Variants in SIN3A observed in about 807,000 individuals in gnomAD.
The protein encoded by SIN3A is SIN3 transcription regulator family member A.
SIN3A carries 14 observed loss-of-function variants against 146.1 expected under a neutral mutation model. The ratio of observed to expected loss-of-function variants is 0.10; its 90% confidence interval spans 0.06 to 0.15. The LOEUF (loss-of-function observed/expected upper bound fraction) is 0.15, where lower values mean the gene tolerates loss of function less well. Among genes scored for constraint, SIN3A ranks in the 10% least tolerant of loss-of-function variants. The pLI is 1.00. For missense variants in SIN3A, 1,028 were observed against 1,576.0 expected (o/e 0.65, Z 5.89); for synonymous variants, 572 against 572.0 (o/e 1.00, Z 0.00).
rs2073303847 is a variant in SIN3A at position 75,396,383 on chromosome 15, G to A, written c.1968C>T (p.Thr656=). 1 of 1,614,020 alleles carries A rather than the reference G, an allele frequency of 6.2e-7. No individual in the cohort carries two copies. Among genetic ancestry groups the A allele is most frequent in the African/African-American group, 1.3e-5 (1 of 74,914 alleles). Residue 656 remains threonine (T), a synonymous_variant, in exon 13 of 21, where the codon ACC becomes ACT. Transcript: ENST00000394947. The part of the protein sequence containing the change: ...EEQAKFRLDN[T]LGGTSEVIHR... ...GGATGACTTCTGATGTGCCCCCAAGGGTGTTGTCCAAGCGAAATTTGGCTT... is the reference window on the plus strand; with the variant it reads ...GGATGACTTCTGATGTGCCCCCAAGAGTGTTGTCCAAGCGAAATTTGGCTT...
At chr15:75,454,260 G>A (rs1322927495), upstream of SIN3A, among the ~76,000 whole-genome samples, 1 of 152,152 alleles carries the variant, frequency 6.6e-6, no homozygotes, top group Non-Finnish European at 1.5e-5. Context: ...GAGAAAAAAA[G>A]GGAGTCTCGC....
chr15:75,386,308 G>A (rs1431876138), intron 16 of SIN3A, among the ~76,000 whole-genome samples: 1 of 152,106 alleles, frequency 6.6e-6, no homozygotes, highest in Non-Finnish European at 1.5e-5. Context: ...GATTACAGGC[G>A]TGAGCCACCG....
intron 16 of SIN3A, among the ~76,000 whole-genome samples, chr15:75,389,395 T>C (rs144967455): frequency 6.6e-6 from 1 of 152,056 alleles, no homozygotes; most frequent in East Asian, 1.9e-4. Context: ...GATAGACAAG[T>C]TGTGCAGGAA....
At chr15:75,372,820 C>CAA (rs370930119) in intron 20 of SIN3A, among the ~76,000 whole-genome samples, 2,320 of 79,204 alleles carry the variant, frequency 0.029, 53 homozygotes, top group Non-Finnish European at 0.04. Flanking sequence ...ACCCTGTCTC[C>CAA]AAAAAAAAAA....
chr15:75,377,393 G>A (rs1401268227), intron 19 of SIN3A, among the ~76,000 whole-genome samples: 1 of 152,146 alleles, frequency 6.6e-6, no homozygotes, highest in Non-Finnish European at 1.5e-5. Flanking sequence ...GGGAGGCTGA[G>A]GCAGGCAGAT....
chr15:75,443,522 C>G (rs897904444), intron 1 of SIN3A: 1 of 152,056 alleles, frequency 6.6e-6, no homozygotes, highest in East Asian at 1.9e-4. Flanking sequence ...TCGAGACTAG[C>G]CTAGACAACA....
chr15:75,390,316 GTGCAAA>G (rs1176734413), intron 15 of SIN3A, among the ~76,000 whole-genome samples: 3 of 152,194 alleles, frequency 2.0e-5, no homozygotes, highest in Non-Finnish European at 2.9e-5. Context: ...AAAAATAGGA[GTGCAAA>G]TTAAATCCTT....
chr15:75,394,666 A>C lies in SIN3A; in HGVS notation c.2277+14T>G. ...ACTAGAGTCCTCTCACAGATGCAGA[A>C]ACCCCCCGCTCACCTCATCATAGAT... is the stretch of plus-strand genomic sequence containing the variant. On this transcript the variant is annotated intron_variant, in intron 14 of 20. Coordinates refer to ENST00000394947, the MANE Select transcript of SIN3A (RefSeq NM_001145358.2). 1 of 1,589,964 alleles carries C rather than the reference A, an allele frequency of 6.3e-7. No homozygotes were observed. The highest frequency in any genetic ancestry group is 8.6e-7 in the Non-Finnish European group (1 of 1,169,500).
chr15:75,389,441 A>C (rs1001912843), intron 16 of SIN3A, among the ~76,000 whole-genome samples: 2 of 152,228 alleles, frequency 1.3e-5, no homozygotes, highest in East Asian at 3.8e-4. Context: ...ACAGGTGGCC[A>C]GCAAGAAAGG....
intron 1 of SIN3A, among the ~76,000 whole-genome samples, chr15:75,431,303 T>A (rs902538543): frequency 6.6e-6 from 1 of 152,190 alleles, no homozygotes; most frequent in Non-Finnish European, 1.5e-5. Context: ...TTGGAACAGA[T>A]CACTCCTAAA....
In SIN3A at chr15:75,375,677, G is replaced by T. The variant is rs777090934; in HGVS notation, c.3579C>A (p.Leu1193=). The part of the protein sequence containing the change: ...EDYMYRRTAL[L]RAHQSHERVS... Reference sequence around the variant, plus strand: ...TACTGGTTCTCACCTGATGAGCCCGGAGCAGGGCGGTCCTCCGATACATAT... The same window carrying T: ...TACTGGTTCTCACCTGATGAGCCCGTAGCAGGGCGGTCCTCCGATACATAT... The change falls in exon 20 of 21, where the codon CTC becomes CTA. Residue 1193 remains leucine, a synonymous_variant. Coordinates refer to ENST00000394947, the MANE Select transcript of SIN3A (RefSeq NM_001145358.2). 1 of 1,614,034 alleles carries T rather than the reference G, an allele frequency of 6.2e-7. No individual in the cohort carries two copies. Among genetic ancestry groups the T allele is most frequent in the South Asian group, 1.1e-5 (1 of 91,076 alleles).
At chr15:75,447,632 T>C (rs878865316) in intron 1 of SIN3A, 1 of 152,202 alleles carries the variant, frequency 6.6e-6, no homozygotes, top group Admixed American at 6.5e-5. Context: ...ACCCCAAAAC[T>C]AGTTGTGGAA....
At chr15:75,450,074 C>T (rs1158462724) in intron 1 of SIN3A, among the ~76,000 whole-genome samples, 2 of 152,112 alleles carry the variant, frequency 1.3e-5, no homozygotes, top group African/African-American at 4.8e-5. Flanking sequence ...GCCACCGCGC[C>T]CGTCCAGGAA....
intron 3 of SIN3A, among the ~76,000 whole-genome samples, chr15:75,417,210 CAG>C (rs2073755511): frequency 6.6e-6 from 1 of 152,228 alleles, no homozygotes; most frequent in South Asian, 2.1e-4. Context: ...TGATTTAGGA[CAG>C]AGACACCCAA....
In SIN3A at chr15:75,443,867, T is replaced by A. The variant is rs555002785; in HGVS notation, c.-34+7556A>T. Among the ~76,000 whole-genome samples, 2 of 152,334 alleles carry A rather than the reference T, an allele frequency of 1.3e-5. 1 individual carries two copies. Among genetic ancestry groups the A allele is most frequent in the East Asian group, 3.9e-4 (2 of 5,184 alleles). ...TTGAGGCTGCAGAGAGCTATGATCA[T>A]ACCACTGCCCTTCGGCCTGGGCAAC... is the stretch of plus-strand genomic sequence containing the variant. On this transcript the variant is annotated intron_variant, in intron 1 of 20. Coordinates refer to ENST00000394947, the MANE Select transcript of SIN3A (RefSeq NM_001145358.2).
intron 1 of SIN3A, among the ~76,000 whole-genome samples, chr15:75,437,049 C>T (rs951144924): frequency 2.0e-5 from 3 of 152,190 alleles, no homozygotes; most frequent in African/African-American, 4.8e-5. Flanking sequence ...TGGCCCTGTG[C>T]GGAGGGTTAG....
chr15:75,392,820 T>C lies in SIN3A; in HGVS notation c.2278-5A>G, dbSNP rs182588346. On this transcript the variant is annotated splice_region_variant and splice_polypyrimidine_tract_variant and intron_variant, in intron 14 of 20. Transcript: ENST00000394947. Reference sequence around the variant, plus strand: ...CTCCGTAGCCTGCTCTTGCCTCTGATGGGACAGAGACACAAAAGTATTCTG... The same window carrying C: ...CTCCGTAGCCTGCTCTTGCCTCTGACGGGACAGAGACACAAAAGTATTCTG... 72 of 1,594,858 alleles carry C rather than the reference T, an allele frequency of 4.5e-5. No individual in the cohort carries two copies. In the East Asian group the frequency reaches 8.0e-4, roughly 18 times the overall value.
At chr15:75,442,965 A>C (rs1295332430) in intron 1 of SIN3A, among the ~76,000 whole-genome samples, 1 of 151,630 alleles carries the variant, frequency 6.6e-6, no homozygotes, top group Admixed American at 6.6e-5. Flanking sequence ...TCACATTCTA[A>C]ACTCATCTAG....
At chr15:75,415,972 CA>C in intron 3 of SIN3A, 1 of 337,678 alleles carries the variant, frequency 3.0e-6, no homozygotes, top group Non-Finnish European at 5.7e-6. Flanking sequence ...ATGGAGATGC[CA>C]AAACAGACCA....
Sources: gnomAD v4.1 joint callset for allele counts (sites outside exome capture counted in the v4.1 genomes callset) on GRCh38, gnomAD v4.1.1 for gene constraint, MANE v1.5 for transcripts, NCBI Gene and HGNC (gene_info 2026-07-23, HGNC 2026-07-21) for gene names.